The following PCDHAC2 variants were observed in gnomAD, a reference collection of about 807,000 sequenced individuals.
PCDHAC2 encodes protocadherin alpha-C2.
PCDHAC2 carries 24 observed loss-of-function variants against 63.3 expected under a neutral mutation model. The observed-to-expected ratio is 0.38, with a 90% CI of 0.27 to 0.53. The LOEUF is 0.53. PCDHAC2 is among the 20% of genes least tolerant of loss of function. The probability of loss-of-function intolerance (pLI) is 0.81; values close to 1 mark genes in which losing one functional copy is unlikely to be tolerated. For missense variants in PCDHAC2, 1,181 were observed against 1,275.2 expected, an observed-to-expected ratio of 0.93 and a Z score of 1.12; for synonymous variants, 569 against 529.4, an observed-to-expected ratio of 1.07 and a Z score of -1.03.
At chr5:141,000,415 A>T (rs1462372394) in intron 3 of PCDHAC2, among the ~76,000 whole-genome samples, 8 of 87,370 alleles carry the variant, frequency 9.2e-5, no homozygotes, top group African/African-American at 2.5e-4. Flanking sequence ...ATATATATAT[A>T]TATATATTTT....
intron 3 of PCDHAC2, among the ~76,000 whole-genome samples, chr5:141,006,057 A>G (rs2098253248): frequency 6.6e-6 from 1 of 152,022 alleles, no homozygotes. Context: ...AGAGTGGAGA[A>G]GAAATAAAAA....
At chr5:140,990,109 T>C (rs2097374572) in intron 3 of PCDHAC2, among the ~76,000 whole-genome samples, 1 of 151,886 alleles carries the variant, frequency 6.6e-6, no homozygotes, top group African/African-American at 2.4e-5. Context: ...AAACAGGAAA[T>C]TGAGAGCTCT....
At chr5:140,999,933 A>T (rs1554257043) in intron 3 of PCDHAC2, among the ~76,000 whole-genome samples, 1 of 152,124 alleles carries the variant, frequency 6.6e-6, no homozygotes, top group African/African-American at 2.4e-5. Context: ...AGCTCAACTC[A>T]TTCCACCCAA....
chr5:140,999,019 A>C (rs782524233), intron 3 of PCDHAC2, among the ~76,000 whole-genome samples: 1 of 152,208 alleles, frequency 6.6e-6, no homozygotes, highest in Non-Finnish European at 1.5e-5. Context: ...TGAACCCAAG[A>C]CTTTTGATAC....
Position 141,009,873 on chromosome 5 carries a change from A to C in PCDHAC2, c.2960A>C (p.Lys987Thr), listed in dbSNP as rs782413551. The C allele has an allele frequency of 1.2e-6, 2 of 1,613,916 alleles. No homozygotes were observed. The highest frequency in any genetic ancestry group is 2.7e-5 in the African/African-American group (2 of 74,862). The change falls in exon 4 of 4, where the codon AAG (lysine) becomes ACG (threonine). Residue 987 changes from lysine to threonine, a missense_variant. Lys to Thr is a moderately conservative substitution (Grantham distance 78). Transcript: ENST00000289269. ...ACCAAGAAAAAGAAGAAAAAGAAGA[A>C]GGGTAACAAGACCCAGGAGAAAAAA... ...EETKKKKKKK[K>T]GNKTQEKKEK...
chr5:140,974,221 T>A (rs75147433), intron 1 of PCDHAC2, among the ~76,000 whole-genome samples: 1,739 of 152,246 alleles, frequency 0.011, 25 homozygotes, highest in Non-Finnish European at 0.017. Context: ...TAAAGAGAAA[T>A]CTTAGTTCCT....
rs191774551 is a variant in PCDHAC2, at chr5:140,984,794, A to C, written c.2713+2231A>C. Among the ~76,000 whole-genome samples, 4 of 152,294 alleles carry C rather than the reference A, an allele frequency of 2.6e-5. No homozygotes were observed. In the East Asian group the frequency reaches 7.7e-4, roughly 29 times the overall value. ...CTTACTTGCTGGGTGAGCATAGACA[A>C]ACTGCCTGAATTCATATTTTCTTAA... On this transcript the variant is annotated intron_variant, in intron 3 of 3. Transcript: ENST00000289269.
chr5:141,011,084 C>A lies in PCDHAC2; in HGVS notation c.*1147C>A, dbSNP rs928216799. Reference sequence around the variant, plus strand: ...CATGTATTACTAAATAAAATGATCTCTCTTTCTCTCTCTCTCTCTCTTTTC... The same window carrying A: ...CATGTATTACTAAATAAAATGATCTATCTTTCTCTCTCTCTCTCTCTTTTC... On this transcript the variant is annotated 3_prime_UTR_variant, in exon 4 of 4. Transcript: ENST00000289269. 1.3e-5 allele frequency: 2 copies of A among 153,722 alleles called. No individual in the cohort carries two copies. The highest frequency in any genetic ancestry group is 2.9e-5 in the Non-Finnish European group (2 of 68,048). The allele number at this position is 153,722 out of a possible 1,614,324, so 9.5% of individuals were successfully genotyped here.
intron 3 of PCDHAC2, among the ~76,000 whole-genome samples, chr5:140,989,866 T>G (rs2097364293): frequency 6.6e-6 from 1 of 152,012 alleles, no homozygotes; most frequent in South Asian, 2.1e-4. Flanking sequence ...GGAATCTTTC[T>G]CTGCCTCAGC....
rs1173018126 is a variant in PCDHAC2 at position 140,967,687 on chromosome 5, C to T, written c.921C>T (p.Leu307=). Residue 307 remains leucine (L), a synonymous_variant, in exon 1 of 4, where the codon CTC becomes CTT. Transcript: ENST00000289269. ...ACACGTCGGACCGGGAGAGGCAGCT[C>T]TTCAGCATAGATGCCAGTACCGGGG... ...SSYTSDRERQ[L]FSIDASTGEV... 1 of 1,614,094 alleles carries T rather than the reference C, an allele frequency of 6.2e-7. No individual in the cohort carries two copies. Among genetic ancestry groups the T allele is most frequent in the Non-Finnish European group, 8.5e-7 (1 of 1,180,056 alleles).
intron 3 of PCDHAC2, among the ~76,000 whole-genome samples, chr5:140,989,227 C>T (rs933142074): frequency 2.6e-5 from 4 of 152,162 alleles, no homozygotes; most frequent in African/African-American, 9.7e-5. Flanking sequence ...TTCTTTGTAG[C>T]TGAAGTTTTA....
chr5:140,988,578 C>A (rs1490917539), intron 3 of PCDHAC2, among the ~76,000 whole-genome samples: 1 of 152,138 alleles, frequency 6.6e-6, no homozygotes, highest in African/African-American at 2.4e-5. Context: ...ACACTCTGTA[C>A]CTTCCACTTT....
At chr5:140,984,247 C>G (rs1394918677) in intron 3 of PCDHAC2, among the ~76,000 whole-genome samples, 2 of 152,138 alleles carry the variant, frequency 1.3e-5, no homozygotes, top group Non-Finnish European at 2.9e-5. Flanking sequence ...GTAGGTCGAC[C>G]TGGTAAGCCA....
intron 1 of PCDHAC2, 79 bp from the exon 2 acceptor site, chr5:140,978,870 G>T: frequency 6.2e-7 from 1 of 1,606,988 alleles, no homozygotes; most frequent in Non-Finnish European, 8.5e-7. Context: ...ATTTAAGGGA[G>T]TAACTAATCA....
At chr5:140,995,393 G>T (rs1267179638) in intron 3 of PCDHAC2, among the ~76,000 whole-genome samples, 5 of 152,184 alleles carry the variant, frequency 3.3e-5, no homozygotes, top group Non-Finnish European at 7.3e-5. Flanking sequence ...GATAAAGCGG[G>T]ATGGCTCGAG....
chr5:141,006,368 C>T (rs1395158727), intron 3 of PCDHAC2, among the ~76,000 whole-genome samples: 2 of 152,072 alleles, frequency 1.3e-5, no homozygotes, highest in Non-Finnish European at 2.9e-5. Context: ...CCCACCACCA[C>T]GCCCGGCTAA....
intron 3 of PCDHAC2, among the ~76,000 whole-genome samples, chr5:141,002,613 A>G (rs1587992392): frequency 1.3e-5 from 2 of 152,206 alleles, no homozygotes; most frequent in African/African-American, 4.8e-5. Context: ...AAACAGACAC[A>G]TAACACAGAC....
Position 140,968,839 on chromosome 5 carries a change from T to C in PCDHAC2, c.2073T>C (p.Thr691=), listed in dbSNP as rs1426943047. The C allele has an allele frequency of 1.3e-5, 21 of 1,614,052 alleles. No individual in the cohort carries two copies. Among genetic ancestry groups the C allele is most frequent in the Non-Finnish European group, 1.7e-5 (20 of 1,180,034 alleles). The change falls in exon 1 of 4, where the codon ACT becomes ACC. Residue 691 remains threonine (T), a synonymous_variant. Transcript: ENST00000289269. ...VDRVSKILPD[T]QRHVKSPRTY... is the part of the protein sequence containing the mutation. ...GGGTTTCCAAAATCCTCCCTGACACTCAGAGGCATGTTAAGAGCCCTCGGA... is the reference window on the plus strand; with the variant it reads ...GGGTTTCCAAAATCCTCCCTGACACCCAGAGGCATGTTAAGAGCCCTCGGA...
At chr5:141,003,245 A>T (rs1554258962) in intron 3 of PCDHAC2, among the ~76,000 whole-genome samples, 1 of 152,216 alleles carries the variant, frequency 6.6e-6, no homozygotes, top group African/African-American at 2.4e-5. Context: ...TTTGCCAAAA[A>T]GATTCCTGGG....
Sources: gnomAD v4.1 joint callset for allele counts (sites outside exome capture counted in the v4.1 genomes callset) on GRCh38, gnomAD v4.1.1 for gene constraint, MANE v1.5 for transcripts, NCBI Gene and HGNC (gene_info 2026-07-23, HGNC 2026-07-21) for gene names.